THRB: variants seen among roughly 807,000 people sequenced by gnomAD.
The protein encoded by THRB is thyroid hormone receptor beta, also known as nuclear receptor subfamily 1 group A member 2.
THRB carries 12 observed loss-of-function variants against 47.8 expected under a neutral mutation model. The observed-to-expected ratio is 0.25, with a 90% CI of 0.16 to 0.41. The LOEUF is 0.41. Among genes scored for constraint, THRB ranks in the 10% least tolerant of loss-of-function variants. THRB has a pLI of 1.00. For synonymous variants in THRB, 218 were observed against 212.2 expected, an observed-to-expected ratio of 1.03 and a Z score of -0.24; for missense variants, 348 against 589.2, an observed-to-expected ratio of 0.59 and a Z score of 4.24.
chr3:24,328,606 A>T, intron 2 of THRB, among the ~76,000 whole-genome samples: 1 of 152,030 alleles, frequency 6.6e-6, no homozygotes, highest in East Asian at 1.9e-4. Flanking sequence ...CATTCTATCA[A>T]TCCCCATGTT....
At chr3:24,207,954 C>G (rs1398949365) in intron 4 of THRB, among the ~76,000 whole-genome samples, 10 of 152,184 alleles carry the variant, frequency 6.6e-5, no homozygotes. Flanking sequence ...ACCCCATCGT[C>G]TCAGCCCAAA....
intron 1 of THRB, among the ~76,000 whole-genome samples, chr3:24,436,183 G>C (rs1238572977): frequency 6.6e-6 from 1 of 151,882 alleles, no homozygotes; most frequent in East Asian, 1.9e-4. Context: ...CTCATGGTAG[G>C]GAATACCTAA....
chr3:24,181,169 T>G (rs1298247610), intron 5 of THRB, among the ~76,000 whole-genome samples: 1 of 152,204 alleles, frequency 6.6e-6, no homozygotes, highest in Non-Finnish European at 1.5e-5. Context: ...GGTCTTATGT[T>G]TTCATGATGA....
chr3:24,139,684 C>A (rs2035185718), intron 8 of THRB, among the ~76,000 whole-genome samples: 1 of 152,180 alleles, frequency 6.6e-6, no homozygotes. Context: ...CTGTGGCCAG[C>A]CCTGTCTCTA....
chr3:24,143,489 A>G lies in THRB; in HGVS notation c.738+12T>C. On this transcript the variant is annotated intron_variant, in intron 8 of 10. Coordinates refer to ENST00000646209, the MANE Select transcript of THRB (RefSeq NM_001354712.2). The stretch of plus-strand genomic sequence containing the variant: ...CATATAAGTGAAACTGATCTGTGCA[A>G]GGAAGCCTTACCAGGAATTTCCGTT... 1 of 1,613,816 alleles carries G rather than the reference A, an allele frequency of 6.2e-7. No homozygotes were observed. Among genetic ancestry groups the G allele is most frequent in the East Asian group, 2.2e-5 (1 of 44,874 alleles).
chr3:24,215,082 C>T (rs2046424733), intron 4 of THRB, among the ~76,000 whole-genome samples: 1 of 152,212 alleles, frequency 6.6e-6, no homozygotes, highest in Non-Finnish European at 1.5e-5. Flanking sequence ...AACATATCTT[C>T]ACAGCTTAGC....
chr3:24,356,283 T>C (rs982987445), intron 1 of THRB, among the ~76,000 whole-genome samples: 6 of 152,254 alleles, frequency 3.9e-5, no homozygotes, highest in African/African-American at 1.2e-4. Flanking sequence ...CAGGTGGTCC[T>C]GAACCGCCTC....
At chr3:24,293,291 A>G (rs1468185013) in intron 3 of THRB, among the ~76,000 whole-genome samples, 1 of 152,208 alleles carries the variant, frequency 6.6e-6, no homozygotes, top group East Asian at 1.9e-4. Flanking sequence ...TCATTCAATC[A>G]TACTGCAGAG....
chr3:24,242,232 AT>A (rs1344222652), intron 3 of THRB, among the ~76,000 whole-genome samples: 1 of 152,186 alleles, frequency 6.6e-6, no homozygotes, highest in Non-Finnish European at 1.5e-5. Context: ...CAAAAACAAG[AT>A]GGCATGTTTT....
intron 4 of THRB, among the ~76,000 whole-genome samples, chr3:24,202,352 C>G (rs1007316790): frequency 6.6e-6 from 1 of 152,038 alleles, no homozygotes; most frequent in Non-Finnish European, 1.5e-5. Context: ...ATATTTGAAC[C>G]CTACACCTCA....
chr3:24,236,372 C>T (rs2048878491), intron 3 of THRB, among the ~76,000 whole-genome samples: 2 of 152,128 alleles, frequency 1.3e-5, no homozygotes, highest in African/African-American at 4.8e-5. Context: ...CAGGATTATG[C>T]TGAGGACCAA....
intron 1 of THRB, among the ~76,000 whole-genome samples, chr3:24,384,383 G>A (rs1005749907): frequency 2.0e-5 from 3 of 152,214 alleles, no homozygotes; most frequent in South Asian, 4.1e-4. Flanking sequence ...ACAACTTTAA[G>A]AACTTCTGGA....
At chr3:24,398,598 G>C (rs933150847) in intron 1 of THRB, among the ~76,000 whole-genome samples, 1 of 152,134 alleles carries the variant, frequency 6.6e-6, no homozygotes, top group Non-Finnish European at 1.5e-5. Flanking sequence ...GAGAGGATGT[G>C]GAGAAAAAGG....
chr3:24,306,255 C>A (rs114742724), intron 2 of THRB, among the ~76,000 whole-genome samples: 1 of 152,190 alleles, frequency 6.6e-6, no homozygotes, highest in Non-Finnish European at 1.5e-5. Flanking sequence ...GCAGCTCCCC[C>A]GAATCTAAAT....
At chr3:24,370,969 C>CTGTA (rs1398649550) in intron 1 of THRB, among the ~76,000 whole-genome samples, 1 of 152,036 alleles carries the variant, frequency 6.6e-6, no homozygotes, top group Admixed American at 6.6e-5. Flanking sequence ...TTCAAAAGAG[C>CTGTA]TGTAGAAAAG....
intron 1 of THRB, among the ~76,000 whole-genome samples, chr3:24,439,842 T>C (rs368108442): frequency 1.1e-4 from 16 of 152,344 alleles, no homozygotes; most frequent in African/African-American, 3.8e-4. Context: ...TAGGACATGA[T>C]TGCAAATCTG....
chr3:24,297,284 C>T lies in THRB; in HGVS notation c.-101G>A, dbSNP rs924871503. 2.0e-5 allele frequency: 3 copies of T among 152,170 alleles called. No individual in the cohort carries two copies. The highest frequency in any genetic ancestry group is 2.9e-5 in the Non-Finnish European group (2 of 68,030). The allele number at this position is 152,170 out of a possible 1,614,324, so 9.4% of individuals were successfully genotyped here. A position where few individuals can be genotyped will look rare whatever the true frequency, so the allele number is the denominator to read the frequency against. On this transcript the variant is annotated 5_prime_UTR_variant, in exon 3 of 11. Coordinates refer to ENST00000646209, the MANE Select transcript of THRB (RefSeq NM_001354712.2). ...AATAACAGGCTTTCAGTCTTCAAGA[C>T]GTTTGTTTTTCTGCATTTCCTCTTC... is the stretch of plus-strand genomic sequence containing the variant.
chr3:24,211,214 G>C (rs574822429), intron 4 of THRB, among the ~76,000 whole-genome samples: 1 of 141,162 alleles, frequency 7.1e-6, no homozygotes, highest in Non-Finnish European at 1.5e-5. Flanking sequence ...AAAAAAAAAA[G>C]ATGGTGGGAT....
chr3:24,318,448 T>G (rs902110531), intron 2 of THRB: 2 of 152,264 alleles, frequency 1.3e-5, no homozygotes, highest in East Asian at 1.9e-4. Flanking sequence ...CTGGGAAGAC[T>G]TTTTCTTGCT....
Sources: allele counts gnomAD v4.1 joint callset (sites outside exome capture counted in the v4.1 genomes callset), GRCh38; gene constraint gnomAD v4.1.1; transcripts MANE v1.5; gene names NCBI Gene and HGNC (gene_info 2026-07-23, HGNC 2026-07-21).